The following PEX7 variants were observed in gnomAD, a reference collection of about 807,000 sequenced individuals.
The protein encoded by PEX7 is peroxisomal biogenesis factor 7.
Under a neutral mutation model 47.5 loss-of-function variants are expected in PEX7, and 34 were observed. The ratio of observed to expected loss-of-function variants is 0.72; its 90% CI spans 0.54 to 0.95. The LOEUF (loss-of-function observed/expected upper bound fraction) is 0.95, where lower values mean the gene tolerates loss of function less well. Among genes scored for constraint, PEX7 ranks in the 40% least tolerant of loss-of-function variants. The pLI is 0.00. For missense variants in PEX7, 394 were observed against 400.3 expected (o/e 0.98, Z 0.13); for synonymous variants, 141 against 148.8 (o/e 0.95, Z 0.38).
At chr6:136,848,807 T>C (rs1224297861) in intron 5 of PEX7, among the ~76,000 whole-genome samples, 2 of 152,196 alleles carry the variant, frequency 1.3e-5, no homozygotes. Context: ...TGGTCTAAAA[T>C]TCTCTTTTTT....
intron 8 of PEX7, among the ~76,000 whole-genome samples, chr6:136,879,244 A>G (rs1301372787): frequency 2.0e-5 from 3 of 152,082 alleles, no homozygotes; most frequent in African/African-American, 7.2e-5. Context: ...TTTTATTCCT[A>G]AGTTTCCCTC....
chr6:136,883,774 A>G (rs1312093370), intron 8 of PEX7, among the ~76,000 whole-genome samples: 2 of 152,098 alleles, frequency 1.3e-5, no homozygotes, highest in East Asian at 1.9e-4. Flanking sequence ...TTGCTTGTTT[A>G]TCTGTGTTAT....
At chr6:136,841,728 TA>T (rs1182910465) in intron 3 of PEX7, among the ~76,000 whole-genome samples, 2 of 152,084 alleles carry the variant, frequency 1.3e-5, no homozygotes, top group African/African-American at 4.8e-5. Context: ...GGACTACTGT[TA>T]TAGGTCACCA....
At chr6:136,823,466 G>A (rs1774124378) in intron 1 of PEX7, 1 of 535,862 alleles carries the variant, frequency 1.9e-6, no homozygotes, top group Non-Finnish European at 2.4e-6. Context: ...GCTGAGGCGG[G>A]AGGATCGCTT....
intron 3 of PEX7, among the ~76,000 whole-genome samples, chr6:136,837,815 CA>C (rs1774421996): frequency 1.1e-5 from 1 of 87,126 alleles, no homozygotes; most frequent in Non-Finnish European, 2.7e-5. Flanking sequence ...TTAAACGCCA[CA>C]CACACACACA....
chr6:136,828,957 A>C (rs938727906), intron 3 of PEX7, among the ~76,000 whole-genome samples: 6 of 152,132 alleles, frequency 3.9e-5, no homozygotes, highest in African/African-American at 1.4e-4. Flanking sequence ...TAATTTTTTA[A>C]ATTTGTTTTG....
intron 8 of PEX7, among the ~76,000 whole-genome samples, chr6:136,894,598 T>G (rs539786076): frequency 1.3e-5 from 2 of 151,892 alleles, no homozygotes; most frequent in African/African-American, 4.8e-5. Context: ...TCAAAAAAAA[T>G]AAAAGTAATA....
chr6:136,840,370 T>A (rs370971961), intron 3 of PEX7, among the ~76,000 whole-genome samples: 24 of 152,186 alleles, frequency 1.6e-4, no homozygotes, highest in African/African-American at 5.5e-4. Flanking sequence ...TCTATTTATA[T>A]ATTTTTTGCT....
At chr6:136,825,988 A>G (rs1317461915) in intron 2 of PEX7, among the ~76,000 whole-genome samples, 1 of 152,172 alleles carries the variant, frequency 6.6e-6, no homozygotes. Flanking sequence ...TCAAATAAAA[A>G]ACAAAACAAA....
chr6:136,823,062 G>A lies in PEX7; in HGVS notation c.130+267G>A, dbSNP rs564575388. 1.2e-5 allele frequency: 12 copies of A among 985,426 alleles called. No homozygotes were observed. The East Asian group carries it at 1.1e-3, about 93-fold the overall frequency. The allele number at this position is 985,426 out of a possible 1,614,324, so 61.0% of individuals were successfully genotyped here. ...GCCCGTGTCCTTGTTCCTTGAGACC[G>A]CGCTGCCTCCGCCACGTGTCACACG... On this transcript the variant is annotated intron_variant, in intron 1 of 9. Coordinates refer to ENST00000318471, the MANE Select transcript of PEX7 (RefSeq NM_000288.4).
intron 3 of PEX7, among the ~76,000 whole-genome samples, chr6:136,828,170 A>C (rs961005104): frequency 6.6e-6 from 1 of 152,216 alleles, no homozygotes; most frequent in Non-Finnish European, 1.5e-5. Context: ...ATCCTAAAAC[A>C]GTAATATTCA....
intron 8 of PEX7, among the ~76,000 whole-genome samples, chr6:136,874,056 A>C (rs1016609799): frequency 6.6e-6 from 1 of 152,214 alleles, no homozygotes; most frequent in Non-Finnish European, 1.5e-5. Context: ...CAATATTCAA[A>C]GGTGATATTA....
intron 8 of PEX7, among the ~76,000 whole-genome samples, chr6:136,896,041 C>T (rs1562756155): frequency 2.0e-5 from 3 of 152,142 alleles, no homozygotes; most frequent in Non-Finnish European, 4.4e-5. Context: ...CACTTTCAGG[C>T]TGAAGTTGGA....
chr6:136,887,016 C>G (rs969683720), intron 8 of PEX7, among the ~76,000 whole-genome samples: 1 of 152,010 alleles, frequency 6.6e-6, no homozygotes, highest in Non-Finnish European at 1.5e-5. Flanking sequence ...CAACATTGTA[C>G]TGCCTGGGCA....
At chr6:136,846,497 C>G (rs1774604305) in intron 5 of PEX7, among the ~76,000 whole-genome samples, 1 of 152,018 alleles carries the variant, frequency 6.6e-6, no homozygotes, top group Non-Finnish European at 1.5e-5. Context: ...TCCCCCCTTC[C>G]CCCACCCCAT....
At chr6:136,834,703 GT>G (rs750999668) in intron 3 of PEX7, among the ~76,000 whole-genome samples, 60 of 152,214 alleles carry the variant, frequency 3.9e-4, no homozygotes, top group Non-Finnish European at 7.9e-4. Context: ...GATGGTGGGG[GT>G]TGGACTTTAT....
chr6:136,893,234 A>G (rs531355436), intron 8 of PEX7, among the ~76,000 whole-genome samples: 1 of 150,934 alleles, frequency 6.6e-6, no homozygotes, highest in Non-Finnish European at 1.5e-5. Flanking sequence ...AAATTCTTCA[A>G]ATGACCTACA....
chr6:136,878,487 C>T (rs1240759569), intron 8 of PEX7, among the ~76,000 whole-genome samples: 1 of 152,094 alleles, frequency 6.6e-6, no homozygotes, highest in Non-Finnish European at 1.5e-5. Context: ...CCTTCAATAC[C>T]TAGTTTATTG....
At position 136,841,620 on chromosome 6, in the gene PEX7, C is replaced by G. The variant is rs147574879; in HGVS notation, c.340-3995C>G. 4.0e-3 allele frequency among the ~76,000 whole-genome samples: 602 copies of G among 152,278 alleles called. 3 individuals carry two copies. The highest frequency in any genetic ancestry group is 0.014 in the African/African-American group (580 of 41,550). ...TGAGACAAGGTCTTTCTCTGCTACC[C>G]AGGCTGGAATGCAGTGGCGTGATCA... is the stretch of plus-strand genomic sequence containing the variant. On this transcript the variant is annotated intron_variant, in intron 3 of 9. Transcript: ENST00000318471.
Sources: gnomAD v4.1 joint callset for allele counts (sites outside exome capture counted in the v4.1 genomes callset) on GRCh38, gnomAD v4.1.1 for gene constraint, MANE v1.5 for transcripts, NCBI Gene and HGNC (gene_info 2026-07-23, HGNC 2026-07-21) for gene names.